The following YTHDC2 variants were observed in gnomAD, a reference collection of about 807,000 sequenced individuals.
YTHDC2 encodes 3'-5' RNA helicase YTHDC2.
Under a neutral mutation model 174.9 loss-of-function variants are expected in YTHDC2, and 45 were observed. The observed-to-expected ratio is 0.26, with a 90% CI of 0.20 to 0.33. YTHDC2 has a LOEUF of 0.33. Ranked by LOEUF, YTHDC2 falls within the 10% of genes least tolerant of loss-of-function variation. The pLI is 1.00. For missense variants in YTHDC2, 1,650 were observed against 1,723.7 expected (o/e 0.96, Z 0.76); for synonymous variants, 657 against 574.5 (o/e 1.14, Z -2.05).
At chr5:113,563,326 A>T in intron 18 of YTHDC2, 47 bp from the exon 19 acceptor site, 1 of 1,489,830 alleles carries the variant, frequency 6.7e-7, no homozygotes, top group South Asian at 1.3e-5. Flanking sequence ...TGTGTAGGTT[A>T]GTATTCTTTT....
Position 113,553,251 on chromosome 5 carries a change from G to A in YTHDC2, c.1759G>A (p.Glu587Lys). Reference sequence around the variant, plus strand: ...AACAAATGGAAGTGACCTCAGTGCTGAAGACAGAGAGCTCCTGAAAGCTTA... The same window carrying A: ...AACAAATGGAAGTGACCTCAGTGCTAAAGACAGAGAGCTCCTGAAAGCTTA... ...VQTNGSDLSA[E>K]DRELLKAYHH... Residue 587 changes from glutamate (E) to lysine (K), a missense_variant, in exon 13 of 30, where the codon GAA (glutamate) becomes AAA (lysine). Glu to Lys is a moderately conservative substitution (Grantham distance 56, BLOSUM62 1). Around this residue, in one of 5 missense-constraint regions of YTHDC2, gnomAD observed 411 missense variants for 380.6 expected, o/e 1.08. Transcript: ENST00000161863. 1.3e-6 allele frequency: 2 copies of A among 1,599,736 alleles called. No individual in the cohort carries two copies. The highest frequency in any genetic ancestry group is 1.7e-5 in the Admixed American group (1 of 58,472).
Position 113,567,307 on chromosome 5 carries a change from T to C in YTHDC2, c.3048+10T>C. The C allele has an allele frequency of 1.3e-6, 2 of 1,597,204 alleles. No individual in the cohort carries two copies. The highest frequency in any genetic ancestry group is 1.7e-6 in the Non-Finnish European group (2 of 1,173,520). ...GCCTCAATATAAAAAGGTAAAAGATTTTGAATGCTGTTGGGTTTTGAGGTG... is the reference window on the plus strand; with the variant it reads ...GCCTCAATATAAAAAGGTAAAAGATCTTGAATGCTGTTGGGTTTTGAGGTG... On this transcript the variant is annotated intron_variant, in intron 22 of 29. Transcript: ENST00000161863.
chr5:113,593,423 A>G (rs1561719190), intron 29 of YTHDC2, 33 bp downstream of exon 29: 4 of 1,480,944 alleles, frequency 2.7e-6, no homozygotes, highest in Non-Finnish European at 9.4e-7. Flanking sequence ...TATTGGCAGT[A>G]TTTGTGATCA....
At chr5:113,558,207 C>T (rs1475813418) in intron 17 of YTHDC2, among the ~76,000 whole-genome samples, 1 of 152,066 alleles carries the variant, frequency 6.6e-6, no homozygotes, top group Non-Finnish European at 1.5e-5. Flanking sequence ...GAAAAATGAG[C>T]TGAAAGTTGG....
rs779914145 is a variant in YTHDC2, at chr5:113,533,076, T to C, written c.842+31T>C. On this transcript the variant is annotated intron_variant, in intron 5 of 29. Coordinates refer to ENST00000161863, the MANE Select transcript of YTHDC2 (RefSeq NM_022828.5). ...AACAGTTCTCATGTATCTTCTCTTT[T>C]ATCATGCTTAAAAAAGACTATGTAT... The C allele has an allele frequency of 2.5e-6, 4 of 1,603,996 alleles. No individual in the cohort carries two copies. In the African/African-American group the frequency reaches 5.6e-5, roughly 23 times the overall value.
intron 26 of YTHDC2, among the ~76,000 whole-genome samples, chr5:113,588,453 T>C (rs1778812567): frequency 6.6e-6 from 1 of 151,958 alleles, no homozygotes; most frequent in African/African-American, 2.4e-5. Flanking sequence ...TTCTTATGTA[T>C]CTTTGTATGG....
intron 2 of YTHDC2, among the ~76,000 whole-genome samples, chr5:113,518,891 T>A (rs1773668653): frequency 6.6e-6 from 1 of 152,206 alleles, no homozygotes; most frequent in South Asian, 2.1e-4. Flanking sequence ...TGATTATTTT[T>A]ATTTTTTAGA....
rs35806169 is a variant in YTHDC2 at position 113,554,742 on chromosome 5, TA to T, written c.2133+732del. Among the ~76,000 whole-genome samples, 1,439 of 144,480 alleles carry T rather than the reference TA, an allele frequency of 1.0e-2. 20 individuals carry two copies. Among genetic ancestry groups the T allele is most frequent in the African/African-American group, 0.031 (1,229 of 40,288 alleles). 94.8% of individuals were successfully genotyped at this position (144,480 alleles called of 152,430 possible). ...TTTCAAAAACAGCCAACCTTTGTTA[TA>T]AAAAAAAAAAAGCCATTTATTTCCT... is the stretch of plus-strand genomic sequence containing the variant. On this transcript the variant is annotated intron_variant, in intron 16 of 29. Coordinates refer to ENST00000161863, the MANE Select transcript of YTHDC2 (RefSeq NM_022828.5).
intron 26 of YTHDC2, among the ~76,000 whole-genome samples, chr5:113,585,838 A>C (rs1403907736): frequency 1.3e-5 from 2 of 151,928 alleles, no homozygotes; most frequent in Non-Finnish European, 2.9e-5. Context: ...TTATCTAATT[A>C]CTGAGTAGTA....
At chr5:113,514,296 G>C in intron 1 of YTHDC2, 1 of 711,430 alleles carries the variant, frequency 1.4e-6, no homozygotes, top group Non-Finnish European at 2.5e-6. Flanking sequence ...GATCAATGGG[G>C]TTATGGGCAC....
chr5:113,582,502 T>C (rs1395975419), intron 25 of YTHDC2: 1 of 152,190 alleles, frequency 6.6e-6, no homozygotes, highest in African/African-American at 2.4e-5. Context: ...TATAAAAACA[T>C]TTGTTAGAAT....
At chr5:113,550,657 C>T (rs1313413273) in intron 12 of YTHDC2, among the ~76,000 whole-genome samples, 1 of 152,012 alleles carries the variant, frequency 6.6e-6, no homozygotes, top group African/African-American at 2.4e-5. Context: ...AGAAATATGA[C>T]AGCAAATACT....
chr5:113,548,882 A>T (rs1776062431), intron 11 of YTHDC2, 73 bp from the exon 12 acceptor site: 1 of 1,411,680 alleles, frequency 7.1e-7, no homozygotes, highest in African/African-American at 1.4e-5. Flanking sequence ...CAGGGTCTTG[A>T]TGTTGCCCAG....
At chr5:113,565,492 TA>T (rs1777273352) in intron 20 of YTHDC2, among the ~76,000 whole-genome samples, 2 of 152,160 alleles carry the variant, frequency 1.3e-5, no homozygotes, top group Non-Finnish European at 2.9e-5. Flanking sequence ...TTTCCATTCT[TA>T]GGTAGAGTCC....
At position 113,594,837 on chromosome 5, in the gene YTHDC2, A is replaced by G. The variant is rs1288101544; in HGVS notation, c.*1363A>G. ...AGAACACGTGAAAAATCATGGGTCA[A>G]CATAAAATCTTGAGAACCTTCTACT... On this transcript the variant is annotated 3_prime_UTR_variant, in exon 30 of 30. Coordinates refer to ENST00000161863, the MANE Select transcript of YTHDC2 (RefSeq NM_022828.5). 1 of 152,198 alleles carries G rather than the reference A, an allele frequency of 6.6e-6. No homozygotes were observed. Among genetic ancestry groups the G allele is most frequent in the South Asian group, 2.1e-4 (1 of 4,838 alleles). 9.4% of individuals were successfully genotyped at this position (152,198 alleles called of 1,614,324 possible).
chr5:113,553,185 A>G lies in YTHDC2; in HGVS notation c.1693A>G (p.Thr565Ala). The change falls in exon 13 of 30, where the codon ACA (threonine) becomes GCA (alanine). Residue 565 changes from threonine (T) to alanine (A), a missense_variant. By Grantham distance (58) the Thr-to-Ala change is moderately conservative. Around this residue, in one of 5 missense-constraint regions of YTHDC2, gnomAD observed 411 missense variants for 380.6 expected, o/e 1.08. Coordinates refer to ENST00000161863, the MANE Select transcript of YTHDC2 (RefSeq NM_022828.5). ...TTTTTTTTTTTTTTTTTTCAGTGCT[A>G]CACTGGAATTTGGAAATCTAGATGA... ...IVDLLESYSA[T>A]LEFGNLDESS... 1.4e-6 allele frequency: 2 copies of G among 1,391,454 alleles called. No individual in the cohort carries two copies. Among genetic ancestry groups the G allele is most frequent in the Non-Finnish European group, 1.9e-6 (2 of 1,065,708 alleles). The allele number at this position is 1,391,454 out of a possible 1,614,324, so 86.2% of individuals were successfully genotyped here.
Position 113,531,856 on chromosome 5 carries a change from G to C in YTHDC2, c.676-1023G>C, listed in dbSNP as rs146119049. Among the ~76,000 whole-genome samples the C allele has an allele frequency of 6.7e-3, 1,017 of 152,278 alleles. 17 individuals carry two copies. Among genetic ancestry groups the C allele is most frequent in the African/African-American group, 0.022 (919 of 41,562 alleles). On this transcript the variant is annotated intron_variant, in intron 4 of 29. Coordinates refer to ENST00000161863, the MANE Select transcript of YTHDC2 (RefSeq NM_022828.5). ...CCAAGTATTTGTATGGGTGTTGGAA[G>C]GCAGCTCTTCTGCTTTGTTGGTAGG...
intron 10 of YTHDC2, among the ~76,000 whole-genome samples, chr5:113,544,996 G>A (rs1241210773): frequency 1.3e-5 from 2 of 151,948 alleles, no homozygotes; most frequent in African/African-American, 4.8e-5. Flanking sequence ...TAATCATCAT[G>A]TACTTGTTTT....
intron 24 of YTHDC2, 188 bp from the exon 25 acceptor site, chr5:113,581,229 T>A: frequency 2.1e-6 from 1 of 487,218 alleles, no homozygotes. Context: ...TTTTGTGTCT[T>A]AGTGCCTAAA....
Sources: gnomAD v4.1 joint callset for allele counts (sites outside exome capture counted in the v4.1 genomes callset) on GRCh38, gnomAD v4.1.1 for gene constraint, gnomAD v4.1.1 regional missense constraint, MANE v1.5 for transcripts, NCBI Gene and HGNC (gene_info 2026-07-23, HGNC 2026-07-21) for gene names.